Variants in PDE9A observed in about 807,000 individuals in gnomAD.
PDE9A encodes the protein high affinity cGMP-specific 3',5'-cyclic phosphodiesterase 9A.
Under a neutral mutation model 87.4 loss-of-function variants are expected in PDE9A, and 60 were observed. The ratio of observed to expected loss-of-function variants is 0.69; its 90% CI spans 0.56 to 0.85. The LOEUF (loss-of-function observed/expected upper bound fraction) is 0.85, where lower values mean the gene tolerates loss of function less well. Among genes scored for constraint, PDE9A ranks in the 40% least tolerant of loss-of-function variants. PDE9A has a pLI of 0.00. For synonymous variants in PDE9A, 272 were observed against 279.4 expected, an observed-to-expected ratio of 0.97 and a Z score of 0.27; for missense variants, 665 against 779.0, an observed-to-expected ratio of 0.85 and a Z score of 1.74.
At chr21:42,770,081 C>T (rs1018531635) in intron 17 of PDE9A, among the ~76,000 whole-genome samples, 1 of 152,078 alleles carries the variant, frequency 6.6e-6, no homozygotes, top group African/African-American at 2.4e-5. Context: ...TCTGTGCCCT[C>T]GAGCTGTGAA....
rs1043865037 is a variant in PDE9A, at chr21:42,723,477, A to T, written c.263-8293A>T. 6.6e-6 allele frequency among the ~76,000 whole-genome samples: 1 copy of T among 152,024 alleles called. No individual in the cohort carries two copies. The highest frequency in any genetic ancestry group is 1.5e-5 in the Non-Finnish European group (1 of 67,990). On this transcript the variant is annotated intron_variant, in intron 4 of 19. Transcript: ENST00000291539. This position sits in a 1 kb window ranked among gnomAD's most constrained non-coding sequence, Gnocchi z 4.3. Reference sequence around the variant, plus strand: ...TGAGGCTGAAGAGGAGCCTACCTAAACCTGTCATTACAACTGATTGATCCT... The same window carrying T: ...TGAGGCTGAAGAGGAGCCTACCTAATCCTGTCATTACAACTGATTGATCCT...
Position 42,760,751 on chromosome 21 carries a change from A to G in PDE9A, c.1003-74A>G. ...TTGTCCCCCGCTTACCACTCACCCA[A>G]TTCCACCCCCCCTCACCCCATCCCA... On this transcript the variant is annotated intron_variant, in intron 12 of 19. Coordinates refer to ENST00000291539, the MANE Select transcript of PDE9A (RefSeq NM_002606.3). This position sits in a 1 kb window ranked among gnomAD's most constrained non-coding sequence, Gnocchi z 5.2. 2.5e-6 allele frequency: 2 copies of G among 798,776 alleles called. No individual in the cohort carries two copies. The highest frequency in any genetic ancestry group is 4.1e-5 in the Admixed American group (2 of 49,278). The allele number at this position is 798,776 out of a possible 1,614,324, so 49.5% of individuals were successfully genotyped here.
chr21:42,654,940 T>TGCTGGGCA (rs150490660), intron 1 of PDE9A, among the ~76,000 whole-genome samples: 44 of 152,064 alleles, frequency 2.9e-4, no homozygotes, highest in Non-Finnish European at 1.5e-4. Flanking sequence ...ATTTAATCAG[T>TGCTGGGCA]GCTGGGCAGC....
At chr21:42,685,823 A>C (rs752771902) in intron 1 of PDE9A, among the ~76,000 whole-genome samples, 1 of 152,088 alleles carries the variant, frequency 6.6e-6, no homozygotes, top group Non-Finnish European at 1.5e-5. Flanking sequence ...TATTTACAGA[A>C]TAGCCCCCAT....
rs765185643 is a variant in PDE9A, at chr21:42,660,230, C to T, written c.69+6347C>T. 1.3e-5 allele frequency among the ~76,000 whole-genome samples: 2 copies of T among 152,202 alleles called. No individual in the cohort carries two copies. The highest frequency in any genetic ancestry group is 2.4e-5 in the African/African-American group (1 of 41,452). ...GCCCAGAGAGCCCCCAGAGACCAGA[C>T]GGCACAGCCCGATAGCTGGGCCTGC... On this transcript the variant is annotated intron_variant, in intron 1 of 19. Transcript: ENST00000291539. This position sits in a 1 kb window ranked among gnomAD's most constrained non-coding sequence, Gnocchi z 4.7.
chr21:42,762,373 C>T, intron 14 of PDE9A, 134 bp downstream of exon 14: 1 of 869,830 alleles, frequency 1.1e-6, no homozygotes. Context: ...GGAACCCCTC[C>T]CTCCTTCCTC....
At chr21:42,753,569 G>A (rs1341029208) in intron 9 of PDE9A, among the ~76,000 whole-genome samples, 1 of 152,102 alleles carries the variant, frequency 6.6e-6, no homozygotes, top group Non-Finnish European at 1.5e-5. Context: ...GCCTTAGAAA[G>A]AGAACGGGAG....
At chr21:42,689,575 A>G in intron 3 of PDE9A, 4 of 985,472 alleles carry the variant, frequency 4.1e-6, no homozygotes, top group Non-Finnish European at 4.8e-6. Context: ...TATCTGAGAG[A>G]AACTGCTTTG....
intron 9 of PDE9A, 122 bp from the exon 10 acceptor site, chr21:42,753,868 A>G (rs2054700230): frequency 1.7e-6 from 1 of 595,528 alleles, no homozygotes; most frequent in African/African-American, 1.9e-5. Flanking sequence ...TCTCAAAAAA[A>G]AAAAAAAAAA....
At chr21:42,764,592 G>A (rs907385755) in intron 14 of PDE9A, among the ~76,000 whole-genome samples, 5 of 152,230 alleles carry the variant, frequency 3.3e-5, no homozygotes, top group South Asian at 2.1e-4. Flanking sequence ...AGGAGCAGCC[G>A]CTCTGCACAG....
chr21:42,719,770 C>A (rs1319814119), intron 4 of PDE9A, among the ~76,000 whole-genome samples: 1 of 152,042 alleles, frequency 6.6e-6, no homozygotes, highest in Non-Finnish European at 1.5e-5. Flanking sequence ...GTTTTTACAG[C>A]GATCAGATGG....
At position 42,770,736 on chromosome 21, in the gene PDE9A, C is replaced by T. The variant is rs1167366156; in HGVS notation, c.1624C>T (p.Pro542Ser). The T allele has an allele frequency of 7.4e-6, 12 of 1,613,906 alleles. No homozygotes were observed. The Admixed American group carries it at 2.0e-4, about 27-fold the overall frequency. Residue 542 changes from proline (P) to serine (S), a missense_variant, in exon 18 of 20, where the codon CCA becomes TCA. By Grantham distance (74) the Pro-to-Ser change is moderately conservative. Coordinates refer to ENST00000291539, the MANE Select transcript of PDE9A (RefSeq NM_002606.3). ...FPMVEEIMLQ[P>S]LWESRDRYEE... ...CATGGTTGAGGAGATCATGCTGCAG[C>T]CACTTTGGGAATCCCGAGATCGCTA...
intron 4 of PDE9A, among the ~76,000 whole-genome samples, chr21:42,724,220 G>A (rs1173792072): frequency 6.6e-6 from 1 of 152,200 alleles, no homozygotes; most frequent in Non-Finnish European, 1.5e-5. Flanking sequence ...CCCAGGGAAG[G>A]TGGTGGAAGC....
intron 4 of PDE9A, among the ~76,000 whole-genome samples, chr21:42,726,618 A>T (rs1242640820): frequency 0.062 from 1,398 of 22,608 alleles, 94 homozygotes; most frequent in African/African-American, 0.26. Flanking sequence ...ATATATATAT[A>T]TATATATTTT....
At chr21:42,703,065 G>A (rs1410633518) in intron 4 of PDE9A, among the ~76,000 whole-genome samples, 10 of 152,232 alleles carry the variant, frequency 6.6e-5, no homozygotes, top group Admixed American at 1.3e-4. Context: ...TGGAGGTGAT[G>A]AGGAGCGCAG....
chr21:42,767,729 C>A (rs901789191), intron 15 of PDE9A, among the ~76,000 whole-genome samples: 11 of 152,202 alleles, frequency 7.2e-5, no homozygotes, highest in African/African-American at 2.2e-4. Context: ...CCACGGGACG[C>A]CAGCCCTCCA....
At chr21:42,661,034 A>AT (rs34710059) in intron 1 of PDE9A, among the ~76,000 whole-genome samples, 19,174 of 144,454 alleles carry the variant, frequency 0.13, 1,519 homozygotes, top group African/African-American at 0.22. Flanking sequence ...TTCTCTGCCA[A>AT]TTTTTTTTTT....
chr21:42,745,672 G>GCC (rs1165234913), intron 8 of PDE9A, among the ~76,000 whole-genome samples: 1 of 152,202 alleles, frequency 6.6e-6, no homozygotes, highest in Non-Finnish European at 1.5e-5. Context: ...TGTCCCTTGC[G>GCC]CCCCAGGTGC....
chr21:42,752,572 A>C (rs1024741392), intron 9 of PDE9A, among the ~76,000 whole-genome samples: 1 of 152,178 alleles, frequency 6.6e-6, no homozygotes, highest in Non-Finnish European at 1.5e-5. Context: ...GCCTCATCTG[A>C]GATTTTTGAA....
Sources: allele counts gnomAD v4.1 joint callset (sites outside exome capture counted in the v4.1 genomes callset), GRCh38; gene constraint gnomAD v4.1.1; non-coding constraint Gnocchi (gnomAD v3.1); transcripts MANE v1.5; gene names NCBI Gene and HGNC (gene_info 2026-07-23, HGNC 2026-07-21).